The following DIAPH1 variants were observed in gnomAD, a reference collection of about 807,000 sequenced individuals.
The protein encoded by DIAPH1 is protein diaphanous homolog 1.
In DIAPH1, 46 loss-of-function variants were observed where a neutral mutation model predicts 140.7. That is an observed-to-expected ratio of 0.33 (90% CI 0.26 to 0.42). DIAPH1 has a LOEUF of 0.42. Among genes scored for constraint, DIAPH1 ranks in the 10% least tolerant of loss-of-function variants. The pLI, the probability that DIAPH1 is intolerant of heterozygous loss-of-function variation, is 1.00. For synonymous variants in DIAPH1, 565 were observed against 551.6 expected (o/e 1.02, Z -0.34); for missense variants, 1,310 against 1,558.7 (o/e 0.84, Z 2.69).
At chr5:141,550,796 G>C (rs185225637) in intron 18 of DIAPH1, among the ~76,000 whole-genome samples, 15 of 152,184 alleles carry the variant, frequency 9.9e-5, no homozygotes, top group African/African-American at 3.1e-4. Context: ...GTTCTCTACA[G>C]TCATTTCAAA....
chr5:141,555,688 T>C (rs2099892462), intron 18 of DIAPH1, among the ~76,000 whole-genome samples: 1 of 152,094 alleles, frequency 6.6e-6, no homozygotes, highest in Admixed American at 6.5e-5. Flanking sequence ...TGGGTATAGA[T>C]AGCACCTTAG....
At chr5:141,570,779 A>C (rs1426589480) in intron 18 of DIAPH1, among the ~76,000 whole-genome samples, 2 of 152,212 alleles carry the variant, frequency 1.3e-5, no homozygotes, top group African/African-American at 2.4e-5. Context: ...GTCATTATAC[A>C]TGACACAATC....
At chr5:141,562,748 C>T (rs2099893785) in intron 18 of DIAPH1, among the ~76,000 whole-genome samples, 2 of 152,144 alleles carry the variant, frequency 1.3e-5, no homozygotes, top group South Asian at 2.1e-4. Flanking sequence ...GAGACTTGTT[C>T]AGCATCAGCA....
intron 1 of DIAPH1, among the ~76,000 whole-genome samples, chr5:141,610,520 C>T (rs2099901648): frequency 6.6e-6 from 1 of 152,028 alleles, no homozygotes. Flanking sequence ...AGGATGGTCT[C>T]GATCTCTTCA....
At chr5:141,525,885 G>A (rs1481042544) in intron 26 of DIAPH1, among the ~76,000 whole-genome samples, 153 bp downstream of exon 26, 2 of 152,172 alleles carry the variant, frequency 1.3e-5, no homozygotes, top group Non-Finnish European at 2.9e-5. Flanking sequence ...CAGAATTGGG[G>A]TTAAAGTCCG....
intron 27 of DIAPH1, among the ~76,000 whole-genome samples, chr5:141,517,445 T>A (rs2099885858): frequency 6.6e-6 from 1 of 152,208 alleles, no homozygotes; most frequent in Non-Finnish European, 1.5e-5. Context: ...CCAAAACACT[T>A]CTCAGTCAGC....
rs556618950 is a variant in DIAPH1, at chr5:141,534,250, T to A, written c.2581+85A>T. ...GGAATTGAACAATTAAAGTTCCATA[T>A]CAAGGGACCATAGATTCAAGAGAAT... On this transcript the variant is annotated intron_variant, in intron 19 of 27. Transcript: ENST00000389054. 1.6e-4 allele frequency: 170 copies of A among 1,080,028 alleles called. No individual in the cohort carries two copies. In the African/African-American group the frequency reaches 2.4e-3, roughly 15 times the overall value. 66.9% of individuals were successfully genotyped at this position (1,080,028 alleles called of 1,614,324 possible).
intron 1 of DIAPH1, among the ~76,000 whole-genome samples, chr5:141,594,470 G>A (rs745734043): frequency 4.6e-5 from 7 of 152,120 alleles, no homozygotes; most frequent in South Asian, 4.1e-4. Context: ...GGCCGGGCGC[G>A]GTAGCTCACA....
intron 18 of DIAPH1, among the ~76,000 whole-genome samples, chr5:141,568,184 G>A (rs189262674): frequency 7.5e-4 from 113 of 150,738 alleles, no homozygotes; most frequent in African/African-American, 2.6e-3. Context: ...AAAAGACAGC[G>A]AAGAGAAGAA....
intron 18 of DIAPH1, among the ~76,000 whole-genome samples, chr5:141,551,229 C>T (rs2099891637): frequency 6.6e-6 from 1 of 152,220 alleles, no homozygotes; most frequent in African/African-American, 2.4e-5. Context: ...GAGGAAGGAT[C>T]ACTGGAGCCC....
Position 141,573,969 on chromosome 5 carries a change from G to T in DIAPH1, c.1881C>A (p.Ile627=). Residue 627 remains isoleucine (I), a synonymous_variant, in exon 16 of 28, where the codon ATC becomes ATA. Coordinates refer to ENST00000389054, the MANE Select transcript of DIAPH1 (RefSeq NM_005219.5). ...CTCCAGGTAAAGAAGGGGGTGAGGA[G>T]ATGCAAACACCCCCAGGCAAAGGAG... ...PPPPLPGGVC[I]SSPPSLPGGT... 1 of 1,549,740 alleles carries T rather than the reference G, an allele frequency of 6.5e-7. No homozygotes were observed.
intron 1 of DIAPH1, among the ~76,000 whole-genome samples, chr5:141,590,237 C>T (rs941010693): frequency 6.6e-6 from 1 of 152,164 alleles, no homozygotes; most frequent in Non-Finnish European, 1.5e-5. Context: ...TTTCACCAAC[C>T]TGGTGCTTTT....
Position 141,604,824 on chromosome 5 carries a change from C to T in DIAPH1, c.117+13974G>A, listed in dbSNP as rs146948741. The stretch of plus-strand genomic sequence containing the variant: ...AGCCAGACTTGATCCTACGAAACCA[C>T]AGAAAATATTTTTTGGCCCGGTACA... On this transcript the variant is annotated intron_variant, in intron 1 of 27. Coordinates refer to ENST00000389054, the MANE Select transcript of DIAPH1 (RefSeq NM_005219.5). Among the ~76,000 whole-genome samples the T allele has an allele frequency of 7.7e-3, 1,169 of 152,212 alleles. 21 individuals are homozygous for T. Among genetic ancestry groups the T allele is most frequent in the African/African-American group, 0.027 (1,111 of 41,512 alleles).
At chr5:141,573,174 C>T (rs1306876007) in intron 16 of DIAPH1, among the ~76,000 whole-genome samples, 1 of 152,078 alleles carries the variant, frequency 6.6e-6, no homozygotes, top group African/African-American at 2.4e-5. Flanking sequence ...CGGTGGCTCA[C>T]GCCTGTAATC....
chr5:141,516,492 G>T lies in DIAPH1; in HGVS notation c.*359C>A. The T allele has an allele frequency of 2.8e-6, 1 of 352,664 alleles. No homozygotes were observed. The highest frequency in any genetic ancestry group is 2.6e-5 in the South Asian group (1 of 38,154). The allele number at this position is 352,664 out of a possible 1,614,324, so 21.8% of individuals were successfully genotyped here. A position where few individuals can be genotyped will look rare whatever the true frequency, so the allele number is the denominator to read the frequency against. ...CAGCAAGACTGACCTAGGGGGGAAA[G>T]CCCATTAGAAAGTCAGGGCTGAGAA... On this transcript the variant is annotated 3_prime_UTR_variant, in exon 28 of 28. Coordinates refer to ENST00000389054, the MANE Select transcript of DIAPH1 (RefSeq NM_005219.5).
Position 141,596,347 on chromosome 5 carries a change from A to AT in DIAPH1, c.118-8098dup, listed in dbSNP as rs1313352519. Among the ~76,000 whole-genome samples, 8 of 151,962 alleles carry AT rather than the reference A, an allele frequency of 5.3e-5. 1 individual carries two copies. The South Asian group carries it at 1.5e-3, about 28-fold the overall frequency. On this transcript the variant is annotated intron_variant, in intron 1 of 27. Transcript: ENST00000389054. ...GACTCTGTCTCAAAAAAAAAAAGTAATAATAATTAGCCAGGCATTGTAGCG... is the reference window on the plus strand; with the variant it reads ...GACTCTGTCTCAAAAAAAAAAAGTAATTAATAATTAGCCAGGCATTGTAGCG...
intron 27 of DIAPH1, among the ~76,000 whole-genome samples, chr5:141,520,107 T>A (rs1423151448): frequency 6.6e-6 from 1 of 152,194 alleles, no homozygotes; most frequent in Non-Finnish European, 1.5e-5. Flanking sequence ...GAACTATTAC[T>A]AAAGAGGAAG....
At chr5:141,609,767 T>G (rs2099901525) in intron 1 of DIAPH1, among the ~76,000 whole-genome samples, 1 of 152,186 alleles carries the variant, frequency 6.6e-6, no homozygotes, top group South Asian at 2.1e-4. Flanking sequence ...AAGACTGGCA[T>G]TACACAATCT....
intron 1 of DIAPH1, among the ~76,000 whole-genome samples, chr5:141,610,588 T>C (rs2099901664): frequency 6.6e-6 from 1 of 151,934 alleles, no homozygotes; most frequent in East Asian, 1.9e-4. Context: ...TGTGAGCCAC[T>C]GTGCCCAGCC....
Sources: allele counts gnomAD v4.1 joint callset (sites outside exome capture counted in the v4.1 genomes callset), GRCh38; gene constraint gnomAD v4.1.1; transcripts MANE v1.5; gene names NCBI Gene and HGNC (gene_info 2026-07-23, HGNC 2026-07-21).